NCOR2: variants seen among roughly 807,000 people sequenced by gnomAD.
NCOR2 encodes the protein CTG repeat protein 26.
NCOR2 carries 81 observed loss-of-function variants against 262.9 expected under a neutral mutation model. The ratio of observed to expected loss-of-function variants is 0.31; its 90% CI spans 0.26 to 0.37. The LOEUF is 0.37. NCOR2 is among the 10% of genes least tolerant of loss of function. The pLI is 1.00. For missense variants in NCOR2, 3,385 were observed against 3,621.4 expected, an observed-to-expected ratio of 0.93 and a Z score of 1.68; for synonymous variants, 1,659 against 1,559.3, an observed-to-expected ratio of 1.06 and a Z score of -1.51.
exon 38 of NCOR2, chr12:124,336,931 C>T (rs773944026): frequency 1.9e-6 from 3 of 1,570,012 alleles, no homozygotes; most frequent in African/African-American, 2.7e-5. Context: ...GCACTAGGGG[C>T]CGGGGCTCCG....
rs552632474 is a variant in NCOR2 at position 124,453,433 on chromosome 12, C to T, written c.763-3566G>A. Reference sequence around the variant, plus strand: ...GGTCCAGCTCTCTCTTGCTCAGCCTCCGTCTCCTCTAAAATCAGAGGCACA... The same window carrying T: ...GGTCCAGCTCTCTCTTGCTCAGCCTTCGTCTCCTCTAAAATCAGAGGCACA... On this transcript the variant is annotated intron_variant, in intron 6 of 46. Transcript: ENST00000405201. 2.0e-5 allele frequency among the ~76,000 whole-genome samples: 3 copies of T among 152,290 alleles called. No homozygotes were observed. In the South Asian group the frequency reaches 6.2e-4, roughly 32 times the overall value.
exon 21 of NCOR2, chr12:124,363,696 C>T: frequency 7.2e-7 from 1 of 1,397,804 alleles, no homozygotes; most frequent in Non-Finnish European, 9.4e-7. Flanking sequence ...GGGATGGCAG[C>T]CGCTCGCTGC....
intron 16 of NCOR2, among the ~76,000 whole-genome samples, chr12:124,392,030 G>A (rs996961081): frequency 3.9e-5 from 6 of 152,210 alleles, no homozygotes; most frequent in African/African-American, 9.6e-5. Context: ...AGCAGAAGTC[G>A]TGTGTATGCG....
intron 11 of NCOR2, among the ~76,000 whole-genome samples, chr12:124,424,392 G>A (rs994302226): frequency 6.6e-6 from 1 of 152,120 alleles, no homozygotes; most frequent in Non-Finnish European, 1.5e-5. Context: ...GATCGTGCCT[G>A]CTATGGTGAG....
At chr12:124,464,939 C>T (rs973424601) in intron 5 of NCOR2, among the ~76,000 whole-genome samples, 10 of 152,130 alleles carry the variant, frequency 6.6e-5, no homozygotes, top group African/African-American at 1.4e-4. Flanking sequence ...GAGAGTGAGC[C>T]GGGCACACAG....
chr12:124,499,282 A>C (rs2048553578), upstream of NCOR2, among the ~76,000 whole-genome samples: 1 of 152,216 alleles, frequency 6.6e-6, no homozygotes, highest in Non-Finnish European at 1.5e-5. Flanking sequence ...CAAACGCCCC[A>C]TGTCGCCGCT....
chr12:124,339,734 A>C, intron 37 of NCOR2, among the ~76,000 whole-genome samples: 1 of 91,344 alleles, frequency 1.1e-5, no homozygotes, highest in Non-Finnish European at 2.6e-5. Flanking sequence ...CTATCTTTCC[A>C]CTGACCCACC....
In NCOR2 at chr12:124,549,042, G is replaced by A. The variant is rs2051629273; in HGVS notation, c.-164-13431C>T. Among the ~76,000 whole-genome samples the A allele has an allele frequency of 6.6e-6, 1 of 152,126 alleles. No individual in the cohort carries two copies. Among genetic ancestry groups the A allele is most frequent in the African/African-American group, 2.4e-5 (1 of 41,408 alleles). On this transcript the variant is annotated intron_variant, in intron 1 of 32. Coordinates refer to the NCOR2 transcript ENST00000458234. The surrounding 1 kb of genome is among the most constrained non-coding windows in gnomAD (Gnocchi z 4.4). ...TGTGTCGAGTCTAGTCTGTATTAAG[G>A]AGGAATTTCATTGCCCAGGAGTAGA...
At chr12:124,353,600 GCTGCAAGGCTGGGGCACCAGT>G (rs1355814715) in intron 27 of NCOR2, among the ~76,000 whole-genome samples, 2 of 152,236 alleles carry the variant, frequency 1.3e-5, no homozygotes, top group Non-Finnish European at 2.9e-5. Flanking sequence ...CAGCTCACCA[GCTGCAAGGCTGGGGCACCAGT>G]CCTGGCACGA....
At chr12:124,508,346 T>C (rs757979051) in intron 1 of NCOR2, among the ~76,000 whole-genome samples, 7 of 152,266 alleles carry the variant, frequency 4.6e-5, no homozygotes, top group Admixed American at 6.5e-5. Flanking sequence ...AAAGGTCCTA[T>C]GGCCCCTGCA....
intron 20 of NCOR2, among the ~76,000 whole-genome samples, chr12:124,369,607 G>A (rs2039327715): frequency 6.6e-6 from 1 of 151,978 alleles, no homozygotes; most frequent in South Asian, 2.1e-4. Context: ...GCGGGCTGCC[G>A]GCCAGGACGA....
chr12:124,441,597 G>A (rs906304), intron 7 of NCOR2, among the ~76,000 whole-genome samples: 20,704 of 152,208 alleles, frequency 0.14, 1,446 homozygotes, highest in East Asian at 0.22. Flanking sequence ...AAATTTTAAG[G>A]AGCAACAGGA....
At chr12:124,419,469 C>T (rs1794952) in intron 13 of NCOR2, among the ~76,000 whole-genome samples, 17,636 of 152,270 alleles carry the variant, frequency 0.12, 1,308 homozygotes, top group Admixed American at 0.17. Flanking sequence ...CTTTCAGTCT[C>T]ATCCCAAGCA....
At chr12:124,394,143 T>C (rs1156504070) in intron 16 of NCOR2, among the ~76,000 whole-genome samples, 1 of 152,270 alleles carries the variant, frequency 6.6e-6, no homozygotes, top group African/African-American at 2.4e-5. Context: ...GAGCAGGGTC[T>C]GGAGACTGCG....
intron 46 of NCOR2, 65 bp downstream of exon 48, chr12:124,326,126 G>T: frequency 1.4e-6 from 2 of 1,402,200 alleles, no homozygotes; most frequent in Non-Finnish European, 9.3e-7. Flanking sequence ...TCAGTGCCCC[G>T]GCAGCATTCA....
exon 20 of NCOR2, chr12:124,372,194 C>A (rs2136026394): frequency 6.2e-7 from 1 of 1,601,844 alleles, no homozygotes; most frequent in Non-Finnish European, 8.5e-7. Context: ...GCCTCCGCGT[C>A]CTTGCCCTTG....
At chr12:124,469,079 G>C (rs569381493) in intron 4 of NCOR2, among the ~76,000 whole-genome samples, 1 of 151,372 alleles carries the variant, frequency 6.6e-6, no homozygotes, top group Non-Finnish European at 1.5e-5. Context: ...TCATGCTGCC[G>C]TCTGCTTCAT....
At chr12:124,421,991 C>G (rs1305665457) in intron 12 of NCOR2, among the ~76,000 whole-genome samples, 2 of 152,232 alleles carry the variant, frequency 1.3e-5, no homozygotes, top group Non-Finnish European at 2.9e-5. Context: ...ACTTGCAGGC[C>G]ACACGTCTGG....
rs2040136672 is a variant in NCOR2, at chr12:124,377,877, T to A, written c.2167+360A>T. 4.6e-5 allele frequency among the ~76,000 whole-genome samples: 7 copies of A among 151,208 alleles called. No homozygotes were observed. The South Asian group carries it at 1.5e-3, about 32-fold the overall frequency. Reference sequence around the variant, plus strand: ...CAAAAAAAAACTTTTCCAAAGTAAATTTTTTTCTAAACTGTGACATCGGAT... The same window carrying A: ...CAAAAAAAAACTTTTCCAAAGTAAAATTTTTTCTAAACTGTGACATCGGAT... On this transcript the variant is annotated intron_variant, in intron 18 of 46. Transcript: ENST00000405201.
Sources: allele counts gnomAD v4.1 joint callset (sites outside exome capture counted in the v4.1 genomes callset), GRCh38; gene constraint gnomAD v4.1.1; non-coding constraint Gnocchi (gnomAD v3.1); transcripts MANE v1.5; gene names NCBI Gene and HGNC (gene_info 2026-07-23, HGNC 2026-07-21).